Variants in SUN3 observed in about 807,000 individuals in gnomAD.
The protein encoded by SUN3 is Sad1 and UNC84 domain containing 3.
Under a neutral mutation model 48.2 loss-of-function variants are expected in SUN3, and 36 were observed. The ratio of observed to expected loss-of-function variants is 0.75; its 90% CI spans 0.57 to 0.99. The LOEUF (loss-of-function observed/expected upper bound fraction) is 0.99. SUN3 is among the 50% of genes least tolerant of loss of function. SUN3 has a pLI of 0.00. For synonymous variants in SUN3, 148 were observed against 147.9 expected, an observed-to-expected ratio of 1.00 and a Z score of 0.00; for missense variants, 419 against 433.1, an observed-to-expected ratio of 0.97 and a Z score of 0.29.
intron 6 of SUN3, among the ~76,000 whole-genome samples, chr7:48,004,804 C>T (rs189950951): frequency 6.6e-6 from 1 of 152,372 alleles, no homozygotes; most frequent in Admixed American, 6.5e-5. Context: ...AAAAAGGAAA[C>T]TCCCACAAGG....
intron 8 of SUN3, among the ~76,000 whole-genome samples, chr7:47,992,213 T>A (rs1270856599): frequency 6.6e-6 from 1 of 152,094 alleles, no homozygotes; most frequent in Non-Finnish European, 1.5e-5. Context: ...CGCCTAGCAA[T>A]TCATGTGACA....
upstream of SUN3, among the ~76,000 whole-genome samples, chr7:48,032,354 C>T (rs1562618293): frequency 6.6e-6 from 1 of 152,146 alleles, no homozygotes. Context: ...TCACAACGTA[C>T]ATGTGTATAA....
chr7:48,028,446 A>G (rs1790193148), intron 1 of SUN3, among the ~76,000 whole-genome samples: 1 of 134,672 alleles, frequency 7.4e-6, no homozygotes, highest in Non-Finnish European at 1.5e-5. Flanking sequence ...TAAGCTCTGC[A>G]TACCACCAAG....
chr7:48,017,814 G>A (rs1176311716), intron 2 of SUN3, among the ~76,000 whole-genome samples: 2 of 152,160 alleles, frequency 1.3e-5, no homozygotes, highest in Non-Finnish European at 2.9e-5. Flanking sequence ...GGTTCCCTGA[G>A]GGGCTGGCAC....
chr7:48,021,653 A>G (rs1790000991), intron 2 of SUN3, among the ~76,000 whole-genome samples: 1 of 152,178 alleles, frequency 6.6e-6, no homozygotes, highest in Non-Finnish European at 1.5e-5. Flanking sequence ...ACAAATGGCA[A>G]ACAGGCATAT....
At chr7:48,000,796 T>TGTC in intron 6 of SUN3, among the ~76,000 whole-genome samples, 1 of 152,136 alleles carries the variant, frequency 6.6e-6, no homozygotes. Context: ...AACTATGATG[T>TGTC]GTCTGGATGT....
intron 1 of SUN3, among the ~76,000 whole-genome samples, chr7:48,027,769 TTTC>T (rs1485062807): frequency 1.3e-5 from 2 of 152,096 alleles, no homozygotes; most frequent in Non-Finnish European, 2.9e-5. Context: ...AGAAGAGAAT[TTTC>T]TTAACTCTCT....
At chr7:48,008,728 A>G (rs1789600691) in intron 4 of SUN3, among the ~76,000 whole-genome samples, 2 of 152,154 alleles carry the variant, frequency 1.3e-5, no homozygotes. Context: ...TCTTTTGATA[A>G]ATCCAAGTAA....
intron 1 of SUN3, among the ~76,000 whole-genome samples, chr7:48,028,431 G>A (rs1264288897): frequency 1.6e-5 from 2 of 126,376 alleles, no homozygotes; most frequent in South Asian, 2.8e-4. Flanking sequence ...TCCTGAGCCC[G>A]GTGCTAAGCT....
At chr7:48,034,156 C>G in the SUN3 span, among the ~76,000 whole-genome samples, 4 of 152,190 alleles carry the variant, frequency 2.6e-5, no homozygotes, top group African/African-American at 9.7e-5. Context: ...TTGGCAATAA[C>G]CTAAGAGCGT....
intron 1 of SUN3, among the ~76,000 whole-genome samples, chr7:48,027,051 A>G (rs1043541812): frequency 2.0e-5 from 3 of 152,034 alleles, no homozygotes; most frequent in African/African-American, 7.3e-5. Context: ...ATCCCCATTA[A>G]GTAGGTTTGT....
the SUN3 span, chr7:48,035,620 G>A: frequency 1.5e-6 from 1 of 687,976 alleles, no homozygotes; most frequent in Admixed American, 2.0e-5. The surrounding 1 kb of genome is among the most constrained non-coding windows in gnomAD (Gnocchi z 4.0). Flanking sequence ...ACGGAGACCC[G>A]CGGGGAGCTG....
the SUN3 span, chr7:48,035,729 C>T: frequency 1.7e-6 from 1 of 587,390 alleles, no homozygotes; most frequent in South Asian, 2.0e-5. The surrounding 1 kb of genome is among the most constrained non-coding windows in gnomAD (Gnocchi z 4.0). Flanking sequence ...CGCGCCGGGG[C>T]TGGAGGGAGG....
chr7:48,022,528 C>T (rs1188609196), intron 2 of SUN3, among the ~76,000 whole-genome samples: 5 of 151,626 alleles, frequency 3.3e-5, no homozygotes, highest in Non-Finnish European at 5.9e-5. Context: ...TCTCAGGTAC[C>T]CCATAAGTAT....
chr7:47,994,470 G>A lies in SUN3; in HGVS notation c.706C>T (p.Pro236Ser). The change falls in exon 8 of 10, where the codon CCT becomes TCT. Residue 236 changes from proline to serine, a missense_variant. Transcript: ENST00000297325. Reference protein sequence around the residue: ...PDIILQPDVYPGKCWAFPGSQ... With the variant: ...PDIILQPDVYSGKCWAFPGSQ... ...CCTGGAAAAGCCCAGCACTTTCCAG[G>A]GTAGACATCCGGCTGGAAAGAAAAC... 1.3e-6 allele frequency: 2 copies of A among 1,593,106 alleles called. No homozygotes were observed. The highest frequency in any genetic ancestry group is 8.5e-7 in the Non-Finnish European group (1 of 1,173,654).
At chr7:47,989,129 G>C (rs1788981141) in intron 8 of SUN3, among the ~76,000 whole-genome samples, 1 of 152,144 alleles carries the variant, frequency 6.6e-6, no homozygotes, top group African/African-American at 2.4e-5. Flanking sequence ...TAGATAGAGA[G>C]CTAGATAGAT....
At chr7:48,031,899 G>A (rs1021033825), upstream of SUN3, among the ~76,000 whole-genome samples, 5 of 151,910 alleles carry the variant, frequency 3.3e-5, no homozygotes, top group African/African-American at 1.2e-4. Context: ...TGGGGGGAGA[G>A]AAAGAGAATG....
In SUN3 at chr7:48,002,151, C is replaced by CTTTT. The variant is rs71006541; in HGVS notation, c.577+3814_577+3817dup. ...CATTGTGGTTTTGATTTGCATTTCT[C>CTTTT]TTTTTTTTTTTTTTTTTTTTTTTTT... On this transcript the variant is annotated intron_variant, in intron 6 of 9. Coordinates refer to ENST00000297325, the MANE Select transcript of SUN3 (RefSeq NM_001030019.2). Among the ~76,000 whole-genome samples the CTTTT allele has an allele frequency of 6.2e-3, 395 of 64,150 alleles. 83 individuals are homozygous for CTTTT. Among genetic ancestry groups the CTTTT allele is most frequent in the African/African-American group, 0.034 (345 of 10,020 alleles). The allele number at this position is 64,150 out of a possible 152,430, so 42.1% of individuals were successfully genotyped here. A position where few individuals can be genotyped will look rare whatever the true frequency, so the allele number is the denominator to read the frequency against.
chr7:48,006,168 C>T, intron 5 of SUN3, 115 bp from the exon 6 acceptor site: 1 of 674,082 alleles, frequency 1.5e-6, no homozygotes, highest in Non-Finnish European at 2.6e-6. Flanking sequence ...GCAGTGAGCC[C>T]CTATCAGCTG....
Sources: allele counts gnomAD v4.1 joint callset (sites outside exome capture counted in the v4.1 genomes callset), GRCh38; gene constraint gnomAD v4.1.1; non-coding constraint Gnocchi (gnomAD v3.1); transcripts MANE v1.5; gene names NCBI Gene and HGNC (gene_info 2026-07-23, HGNC 2026-07-21).